Variants in NINJ1 observed in about 807,000 individuals in gnomAD.
NINJ1 encodes ninjurin-1.
In NINJ1, 6 loss-of-function variants were observed where a neutral mutation model predicts 12.7. The observed-to-expected ratio is 0.47, with a 90% CI of 0.26 to 0.93. The LOEUF (loss-of-function observed/expected upper bound fraction) is 0.93. Among genes scored for constraint, NINJ1 ranks in the 40% least tolerant of loss-of-function variants. The probability of loss-of-function intolerance (pLI) is 0.15; values close to 1 mark genes in which losing one functional copy is unlikely to be tolerated. For synonymous variants in NINJ1, 100 were observed against 96.0 expected (o/e 1.04, Z -0.25); for missense variants, 170 against 213.0 (o/e 0.80, Z 1.26).
At chr9:93,133,221 T>C (rs895826565) in intron 1 of NINJ1, among the ~76,000 whole-genome samples, 2 of 152,294 alleles carry the variant, frequency 1.3e-5, no homozygotes, top group Middle Eastern at 3.4e-3. Flanking sequence ...CCCGAACATG[T>C]CCTGTCCCCA....
At chr9:93,131,771 A>C (rs10114849) in intron 1 of NINJ1, among the ~76,000 whole-genome samples, 1 of 152,222 alleles carries the variant, frequency 6.6e-6, no homozygotes, top group Non-Finnish European at 1.5e-5. Flanking sequence ...CACACGGGGT[A>C]GGGGAGACCT....
At chr9:93,134,068 G>A (rs1587667825) in intron 1 of NINJ1, 75 bp downstream of exon 1, 1 of 1,222,184 alleles carries the variant, frequency 8.2e-7, no homozygotes, top group Non-Finnish European at 1.1e-6. Context: ...GGCGCACACA[G>A]GTGCCCGGGG....
intron 2 of NINJ1, 97 bp from the exon 3 acceptor site, chr9:93,125,159 G>C (rs1587663655): frequency 8.0e-7 from 1 of 1,243,486 alleles, no homozygotes; most frequent in East Asian, 2.4e-5. Flanking sequence ...CGGTCAAGCT[G>C]TCCTGGGACA....
intron 1 of NINJ1, among the ~76,000 whole-genome samples, chr9:93,132,014 C>T (rs1386820008): frequency 6.6e-6 from 1 of 152,184 alleles, no homozygotes; most frequent in African/African-American, 2.4e-5. Flanking sequence ...CCGTGGCAGG[C>T]AGAAGGATGA....
chr9:93,128,989 C>T (rs535287147), intron 1 of NINJ1, among the ~76,000 whole-genome samples: 70 of 152,296 alleles, frequency 4.6e-4, no homozygotes, highest in African/African-American at 1.7e-3. Flanking sequence ...TTTTTCTGAG[C>T]TCTGCAGAAC....
At chr9:93,123,578 C>T (rs1442035969) in intron 3 of NINJ1, among the ~76,000 whole-genome samples, 1 of 152,230 alleles carries the variant, frequency 6.6e-6, no homozygotes, top group African/African-American at 2.4e-5. Flanking sequence ...GCCACCGTGC[C>T]TGGCCTGGGG....
chr9:93,126,675 G>C lies in NINJ1; in HGVS notation c.76-37C>G, dbSNP rs757233765. 4.6e-6 allele frequency: 7 copies of C among 1,521,540 alleles called. No individual in the cohort carries two copies. In the South Asian group the frequency reaches 8.4e-5, roughly 18 times the overall value. The allele number at this position is 1,521,540 out of a possible 1,614,324, so 94.3% of individuals were successfully genotyped here. On this transcript the variant is annotated intron_variant, in intron 1 of 3. Transcript: ENST00000375446. ...GGAATGGTCAGCAAGGCGGGTGGGG[G>C]AGGGGGGCAAGGGCTGTGCCTGAGT... is the stretch of plus-strand genomic sequence containing the variant.
intron 3 of NINJ1, among the ~76,000 whole-genome samples, chr9:93,123,618 G>A (rs1242084354): frequency 2.6e-5 from 4 of 152,248 alleles, no homozygotes; most frequent in Admixed American, 6.5e-5. Context: ...ACACACAGGC[G>A]CTCTGCCCCA....
intron 2 of NINJ1, chr9:93,126,106 A>G: frequency 2.6e-6 from 1 of 389,572 alleles, no homozygotes; most frequent in Non-Finnish European, 4.6e-6. Flanking sequence ...CTGAGGTGGG[A>G]GGATCGCTTG....
chr9:93,124,337 C>T (rs1421730254), intron 3 of NINJ1, among the ~76,000 whole-genome samples: 4 of 152,132 alleles, frequency 2.6e-5, no homozygotes, highest in East Asian at 1.9e-4. Context: ...TGCAGTAGTA[C>T]GATCTTAGCT....
At chr9:93,133,512 C>T (rs1827927875) in intron 1 of NINJ1, among the ~76,000 whole-genome samples, 1 of 152,244 alleles carries the variant, frequency 6.6e-6, no homozygotes, top group Non-Finnish European at 1.5e-5. Context: ...CCACAGCCCT[C>T]CCAGGCCGGG....
In NINJ1 at chr9:93,134,138, C is replaced by G; in HGVS notation, c.75+5G>C. ...GATCATGCAGCGGTGGGGGGAAGGT[C>G]TTACCGAGGCGTCCGGGGAGCCGGG... On this transcript the variant is annotated splice_donor_5th_base_variant and intron_variant, in intron 1 of 3. Coordinates refer to ENST00000375446, the MANE Select transcript of NINJ1 (RefSeq NM_004148.4). The G allele has an allele frequency of 6.4e-7, 1 of 1,556,420 alleles. No homozygotes were observed. Among genetic ancestry groups the G allele is most frequent in the Middle Eastern group, 1.7e-4 (1 of 5,908 alleles).
chr9:93,129,117 G>A (rs540288982), intron 1 of NINJ1, among the ~76,000 whole-genome samples: 25 of 152,292 alleles, frequency 1.6e-4, no homozygotes, highest in Admixed American at 5.9e-4. Flanking sequence ...CAGCCACGAG[G>A]AGCCTGTGCC....
At chr9:93,125,284 A>AC (rs2130747345) in intron 2 of NINJ1, 1 of 440,856 alleles carries the variant, frequency 2.3e-6, no homozygotes, top group Non-Finnish European at 4.0e-6. Context: ...ACGGTCTATG[A>AC]CCCCACCTTC....
intron 1 of NINJ1, among the ~76,000 whole-genome samples, chr9:93,128,872 G>A (rs1266533225): frequency 6.6e-6 from 1 of 152,130 alleles, no homozygotes; most frequent in African/African-American, 2.4e-5. Flanking sequence ...CACACAATAC[G>A]CACACACAAA....
chr9:93,128,927 C>A (rs1045628897), intron 1 of NINJ1, among the ~76,000 whole-genome samples: 7 of 152,248 alleles, frequency 4.6e-5, no homozygotes, highest in African/African-American at 1.2e-4. Flanking sequence ...TAAACAGACA[C>A]ACAAGCCCAG....
At chr9:93,122,601 T>G (rs1024455308) in intron 3 of NINJ1, among the ~76,000 whole-genome samples, 1 of 152,208 alleles carries the variant, frequency 6.6e-6, no homozygotes, top group African/African-American at 2.4e-5. Context: ...AAGTACTCCA[T>G]GCCTCAGTTT....
At chr9:93,126,238 G>C (rs571221490) in intron 2 of NINJ1, 172 bp downstream of exon 2, 31 of 576,116 alleles carry the variant, frequency 5.4e-5, no homozygotes, top group African/African-American at 5.1e-4. Flanking sequence ...AGTGCAGGGT[G>C]GGGGGAGGGG....
intron 1 of NINJ1, among the ~76,000 whole-genome samples, chr9:93,131,858 T>C (rs532134654): frequency 2.0e-5 from 3 of 152,266 alleles, no homozygotes; most frequent in East Asian, 3.9e-4. Context: ...CTGAGCCTTG[T>C]CCACCCTGGG....
Sources: allele counts gnomAD v4.1 joint callset (sites outside exome capture counted in the v4.1 genomes callset), GRCh38; gene constraint gnomAD v4.1.1; transcripts MANE v1.5; gene names NCBI Gene and HGNC (gene_info 2026-07-23, HGNC 2026-07-21).